PDE10A: variants seen among roughly 807,000 people sequenced by gnomAD.
The protein encoded by PDE10A is phosphodiesterase 10A, also known as cAMP and cAMP-inhibited cGMP 3',5'-cyclic phosphodiesterase 10A.
A neutral mutation model predicts 97.7 loss-of-function variants in PDE10A; 39 were observed. The ratio of observed to expected loss-of-function variants is 0.40; its 90% confidence interval spans 0.31 to 0.52. The LOEUF (loss-of-function observed/expected upper bound fraction) is 0.52, where lower values mean the gene tolerates loss of function less well. Among genes scored for constraint, PDE10A ranks in the 20% least tolerant of loss-of-function variants. The pLI is 0.56. For missense variants in PDE10A, 731 were observed against 1,047.8 expected (o/e 0.70, Z 4.17); for synonymous variants, 371 against 376.8 (o/e 0.98, Z 0.18).
intron 12 of PDE10A, among the ~76,000 whole-genome samples, chr6:165,414,530 T>C (rs1458863444): frequency 1.3e-5 from 2 of 152,236 alleles, no homozygotes; most frequent in African/African-American, 4.8e-5. Context: ...TATACCTCTA[T>C]TGAATGGACA....
intron 12 of PDE10A, among the ~76,000 whole-genome samples, chr6:165,414,834 T>C (rs748204455): frequency 1.8e-4 from 27 of 152,214 alleles, no homozygotes; most frequent in Non-Finnish European, 2.8e-4. Flanking sequence ...TCCTGGCCAA[T>C]GTTTGCTAAT....
intron 3 of PDE10A, among the ~76,000 whole-genome samples, chr6:165,478,232 C>T (rs576324310): frequency 1.8e-4 from 28 of 152,264 alleles, no homozygotes; most frequent in African/African-American, 5.3e-4. Context: ...TTTATTCTAT[C>T]AAGTGCTCAG....
intron 1 of PDE10A, among the ~76,000 whole-genome samples, chr6:165,774,254 C>G (rs1778098239): frequency 6.6e-6 from 1 of 151,910 alleles, no homozygotes; most frequent in Non-Finnish European, 1.5e-5. Flanking sequence ...CATTTTAATT[C>G]CATTCTGAAA....
At chr6:165,736,976 G>A (rs1033520754) in intron 1 of PDE10A, among the ~76,000 whole-genome samples, 5 of 152,128 alleles carry the variant, frequency 3.3e-5, no homozygotes, top group Admixed American at 6.5e-5. Flanking sequence ...CACTACATCC[G>A]ATACTACAGA....
At chr6:165,915,450 G>T (rs939852442) in intron 1 of PDE10A, among the ~76,000 whole-genome samples, 6 of 152,204 alleles carry the variant, frequency 3.9e-5, no homozygotes, top group African/African-American at 1.4e-4. Flanking sequence ...TGTGCGGAGG[G>T]AGTGGCTGTT....
intron 1 of PDE10A, among the ~76,000 whole-genome samples, chr6:165,979,881 A>C (rs1482097927): frequency 6.6e-6 from 1 of 152,262 alleles, no homozygotes; most frequent in African/African-American, 2.4e-5. Flanking sequence ...CTCAGAAAGA[A>C]CATTCATGTC....
rs369625406 is a variant in PDE10A, at chr6:165,678,117, G to T, written c.-614-134549C>A. On this transcript the variant is annotated intron_variant, in intron 1 of 19. Coordinates refer to the PDE10A transcript ENST00000366882. ...TTAATATGTGTATGTATTTGTGTGG[G>T]TGTGTTTGTGTTTGTGTACGTGTGT... Among the ~76,000 whole-genome samples the T allele has an allele frequency of 5.6e-3, 825 of 148,304 alleles. 8 individuals are homozygous for T. The highest frequency in any genetic ancestry group is 0.02 in the African/African-American group (796 of 40,234).
chr6:165,422,412 C>T (rs1788779196), intron 10 of PDE10A, among the ~76,000 whole-genome samples: 1 of 148,952 alleles, frequency 6.7e-6, no homozygotes, highest in Non-Finnish European at 1.5e-5. Context: ...TACGCATACA[C>T]ACATATGCAT....
intron 9 of PDE10A, among the ~76,000 whole-genome samples, chr6:165,429,578 G>A (rs1041447214): frequency 2.8e-4 from 43 of 152,144 alleles, no homozygotes; most frequent in African/African-American, 9.9e-4. Context: ...ACATGTCATC[G>A]TTGTTGCTGG....
intron 1 of PDE10A, among the ~76,000 whole-genome samples, chr6:165,764,483 C>T (rs887941797): frequency 2.0e-5 from 3 of 149,628 alleles, no homozygotes; most frequent in Non-Finnish European, 4.4e-5. Flanking sequence ...AGAATGAAGC[C>T]GTGGACCCTC....
rs1791423199 is a variant in PDE10A at position 165,695,556 on chromosome 6, G to A, written c.-614-151988C>T. ...CCCTGCCGCCTGTTGCTGAGGCTAA[G>A]TACCAGATGAGTGTGGTGAAAAAGT... is the stretch of plus-strand genomic sequence containing the variant. On this transcript the variant is annotated intron_variant, in intron 1 of 19. Coordinates refer to the PDE10A transcript ENST00000366882. Among the ~76,000 whole-genome samples the A allele has an allele frequency of 2.0e-5, 3 of 152,306 alleles. No homozygotes were observed. In the South Asian group the frequency reaches 6.2e-4, roughly 32 times the overall value.
intron 1 of PDE10A, among the ~76,000 whole-genome samples, chr6:165,941,524 G>T (rs80208449): frequency 1.3e-5 from 2 of 152,140 alleles, no homozygotes; most frequent in African/African-American, 2.4e-5. Flanking sequence ...GCAACATCCC[G>T]GTGGGGGATG....
intron 5 of PDE10A, among the ~76,000 whole-genome samples, chr6:165,439,746 A>G (rs1002516517): frequency 6.6e-6 from 1 of 152,392 alleles, no homozygotes; most frequent in African/African-American, 2.4e-5. Context: ...GTCATAATCA[A>G]TAGGTTGGTT....
chr6:165,557,015 T>C (rs1213873134), intron 1 of PDE10A, among the ~76,000 whole-genome samples: 1 of 152,094 alleles, frequency 6.6e-6, no homozygotes, highest in South Asian at 2.1e-4. Context: ...GGCATGCGCC[T>C]GTCATTCCAG....
At chr6:165,379,395 CA>C (rs1223046885) in intron 17 of PDE10A, 29 bp from the exon 18 acceptor site, 1 of 1,546,316 alleles carries the variant, frequency 6.5e-7, no homozygotes, top group Non-Finnish European at 8.9e-7. Flanking sequence ...TAAAAACCAC[CA>C]ATAACAAGCA....
At chr6:165,547,892 C>T (rs1195050718) in intron 1 of PDE10A, among the ~76,000 whole-genome samples, 1 of 152,176 alleles carries the variant, frequency 6.6e-6, no homozygotes, top group African/African-American at 2.4e-5. Flanking sequence ...CATAAAGTAA[C>T]ACATTACTAT....
At chr6:165,547,674 C>G (rs1205473239) in intron 1 of PDE10A, among the ~76,000 whole-genome samples, 6 of 152,174 alleles carry the variant, frequency 3.9e-5, no homozygotes, top group African/African-American at 9.6e-5. Context: ...ATAAACACCA[C>G]AGCAGTATCT....
intron 19 of PDE10A, among the ~76,000 whole-genome samples, chr6:165,340,746 G>A (rs1003747863): frequency 6.6e-6 from 1 of 152,208 alleles, no homozygotes; most frequent in African/African-American, 2.4e-5. Flanking sequence ...GCTCCAGGCA[G>A]AGACTGCAGG....
intron 1 of PDE10A, among the ~76,000 whole-genome samples, chr6:165,682,605 G>C (rs1791006451): frequency 6.6e-6 from 1 of 152,164 alleles, no homozygotes; most frequent in South Asian, 2.1e-4. Flanking sequence ...ACCATAAAAA[G>C]ACGGCTATCT....
Sources: allele counts gnomAD v4.1 joint callset (sites outside exome capture counted in the v4.1 genomes callset), GRCh38; gene constraint gnomAD v4.1.1; transcripts MANE v1.5; gene names NCBI Gene and HGNC (gene_info 2026-07-23, HGNC 2026-07-21).